COL4A3: variants seen among roughly 807,000 people sequenced by gnomAD.
The protein encoded by COL4A3 is collagen alpha-3(IV) chain.
COL4A3 carries 135 observed loss-of-function variants against 217.4 expected under a neutral mutation model. The observed-to-expected ratio is 0.62, with a 90% CI of 0.54 to 0.72. COL4A3 has a LOEUF of 0.72. Among genes scored for constraint, COL4A3 ranks in the 30% least tolerant of loss-of-function variants. The pLI is 0.00. For synonymous variants in COL4A3, 690 were observed against 736.3 expected (o/e 0.94, Z 1.02); for missense variants, 1,868 against 2,119.9 (o/e 0.88, Z 2.33).
intron 28 of COL4A3, among the ~76,000 whole-genome samples, chr2:227,279,165 G>A (rs1489056184): frequency 6.6e-6 from 1 of 150,588 alleles, no homozygotes; most frequent in Non-Finnish European, 1.5e-5. Context: ...CACAACCTCT[G>A]CCTCCTGGGT....
intron 34 of COL4A3, among the ~76,000 whole-genome samples, chr2:227,285,206 A>G (rs142048750): frequency 2.1e-5 from 3 of 146,090 alleles, no homozygotes; most frequent in African/African-American, 7.5e-5. Context: ...GAGAAATGAG[A>G]CTGTGTTCAA....
At chr2:227,172,995 T>C (rs1290574189) in intron 1 of COL4A3, among the ~76,000 whole-genome samples, 1 of 152,200 alleles carries the variant, frequency 6.6e-6, no homozygotes, top group Admixed American at 6.5e-5. Flanking sequence ...CATTACCCTA[T>C]GCTTACAGCT....
rs1433223189 is a variant in COL4A3 at position 227,272,938 on chromosome 2, T to A, written c.1759-11T>A. 8 of 1,614,002 alleles carry A rather than the reference T, an allele frequency of 5.0e-6. No homozygotes were observed. Among genetic ancestry groups the A allele is most frequent in the Non-Finnish European group, 6.8e-6 (8 of 1,179,918 alleles). On this transcript the variant is annotated splice_polypyrimidine_tract_variant and intron_variant, in intron 25 of 51. Transcript: ENST00000396578. Reference sequence around the variant, plus strand: ...ATGAAGCACGATTCAAACACATTCCTGTTGTCACAGGCTCTGAGTGGTGAG... The same window carrying A: ...ATGAAGCACGATTCAAACACATTCCAGTTGTCACAGGCTCTGAGTGGTGAG...
intron 18 of COL4A3, among the ~76,000 whole-genome samples, chr2:227,258,987 A>G (rs983816627): frequency 4.6e-5 from 7 of 151,786 alleles, no homozygotes; most frequent in African/African-American, 1.7e-4. Flanking sequence ...TCCATCTAGC[A>G]TATGAAAAAG....
At chr2:227,295,550 T>A (rs1321137385) in intron 41 of COL4A3, among the ~76,000 whole-genome samples, 1 of 152,238 alleles carries the variant, frequency 6.6e-6, no homozygotes, top group Non-Finnish European at 1.5e-5. Flanking sequence ...AAGAAAGTCT[T>A]GAAAAGTAAA....
rs767026807 is a variant in COL4A3, at chr2:227,275,220, A to C, written c.1928-1165A>C. On this transcript the variant is annotated intron_variant, in intron 26 of 51. Coordinates refer to ENST00000396578, the MANE Select transcript of COL4A3 (RefSeq NM_000091.5). ...GTTTGAGATGGAGTCTTGCTCTGCC[A>C]CCCAGGCTGCAGTGCAGTGGCGTGA... Among the ~76,000 whole-genome samples, 115 of 151,912 alleles carry C rather than the reference A, an allele frequency of 7.6e-4. 1 individual carries two copies. Among genetic ancestry groups the C allele is most frequent in the Admixed American group, 3.9e-4 (6 of 15,240 alleles).
At chr2:227,176,214 G>A (rs2065668939) in intron 1 of COL4A3, among the ~76,000 whole-genome samples, 1 of 152,126 alleles carries the variant, frequency 6.6e-6, no homozygotes, top group Non-Finnish European at 1.5e-5. Flanking sequence ...ATGTACATAT[G>A]GAAGGTTAAA....
chr2:227,281,070 C>A, intron 31 of COL4A3, 64 bp downstream of exon 31: 1 of 988,406 alleles, frequency 1.0e-6, no homozygotes, highest in Non-Finnish European at 1.6e-6. Flanking sequence ...CTGCTCTGTG[C>A]TTTGCTGCTT....
chr2:227,207,665 G>A (rs773124236), intron 1 of COL4A3, among the ~76,000 whole-genome samples: 3 of 152,166 alleles, frequency 2.0e-5, no homozygotes, highest in Admixed American at 6.5e-5. Flanking sequence ...CTTATCTACC[G>A]GGCATTGGAG....
Position 227,254,846 on chromosome 2 carries a change from G to A in COL4A3, c.888+131G>A. ...ATTTCTGTTCTTTAAGATTTGGGAG[G>A]CAGGATTTACTTACTCAAGTATCTA... On this transcript the variant is annotated intron_variant, in intron 15 of 51. Transcript: ENST00000396578. 4 of 735,494 alleles carry A rather than the reference G, an allele frequency of 5.4e-6. No individual in the cohort carries two copies. In the South Asian group the frequency reaches 5.9e-5, roughly 11 times the overall value. 45.6% of individuals were successfully genotyped at this position (735,494 alleles called of 1,614,324 possible).
chr2:227,303,652 A>T (rs186531212), intron 44 of COL4A3, among the ~76,000 whole-genome samples: 1 of 152,358 alleles, frequency 6.6e-6, no homozygotes, highest in Admixed American at 6.5e-5. Context: ...ATTTCTTTAC[A>T]GACTCATTAA....
chr2:227,177,353 G>C (rs113098531), intron 1 of COL4A3, among the ~76,000 whole-genome samples: 7,456 of 151,576 alleles, frequency 0.049, 235 homozygotes, highest in Admixed American at 0.084. Context: ...GACAGGGTTT[G>C]ACTGTGTTAG....
intron 1 of COL4A3, among the ~76,000 whole-genome samples, chr2:227,217,004 A>G (rs2067551191): frequency 6.6e-6 from 1 of 152,146 alleles, no homozygotes; most frequent in South Asian, 2.1e-4. Context: ...GTCTATTCTC[A>G]CACTGCTGAT....
intron 6 of COL4A3, among the ~76,000 whole-genome samples, chr2:227,246,459 T>C (rs1390964677): frequency 2.6e-5 from 4 of 152,232 alleles, no homozygotes; most frequent in Non-Finnish European, 5.9e-5. Context: ...TTGGCGCAAT[T>C]AGACTTTGCC....
At chr2:227,243,924 C>T (rs2125903244) in intron 3 of COL4A3, among the ~76,000 whole-genome samples, 1 of 152,260 alleles carries the variant, frequency 6.6e-6, no homozygotes, top group African/African-American at 2.4e-5. Context: ...TTTATCAGAC[C>T]TCAGCAGCTG....
chr2:227,206,590 G>A (rs1378881689), intron 1 of COL4A3, among the ~76,000 whole-genome samples: 3 of 152,086 alleles, frequency 2.0e-5, no homozygotes, highest in East Asian at 1.9e-4. Flanking sequence ...TTCCAAATGC[G>A]GCCCGTGACC....
intron 34 of COL4A3, 64 bp downstream of exon 34, chr2:227,284,409 G>A (rs1173924401): frequency 6.4e-7 from 1 of 1,557,690 alleles, no homozygotes; most frequent in Non-Finnish European, 8.7e-7. Context: ...AAATTATCCA[G>A]GCAAATCCGT....
chr2:227,224,264 C>T (rs926577130), intron 1 of COL4A3, among the ~76,000 whole-genome samples: 1 of 152,030 alleles, frequency 6.6e-6, no homozygotes, highest in East Asian at 1.9e-4. Context: ...CCAGTGGAAG[C>T]GCAGGTGACC....
chr2:227,218,925 A>G (rs943016987), intron 1 of COL4A3, among the ~76,000 whole-genome samples: 1 of 152,182 alleles, frequency 6.6e-6, no homozygotes, highest in Non-Finnish European at 1.5e-5. Flanking sequence ...AGATGTTGCC[A>G]TTATGTGGAA....
Sources: gnomAD v4.1 joint callset for allele counts (sites outside exome capture counted in the v4.1 genomes callset) on GRCh38, gnomAD v4.1.1 for gene constraint, MANE v1.5 for transcripts, NCBI Gene and HGNC (gene_info 2026-07-23, HGNC 2026-07-21) for gene names.